DELE1: variants seen among roughly 807,000 people sequenced by gnomAD.
DELE1 encodes death ligand signal enhancer.
In DELE1, 54 loss-of-function variants were observed where a neutral mutation model predicts 59.3. That is an observed-to-expected ratio of 0.91 (90% confidence interval 0.73 to 1.14). The LOEUF (loss-of-function observed/expected upper bound fraction) is 1.14, where lower values mean the gene tolerates loss of function less well. Among genes scored for constraint, DELE1 ranks in the 50% most tolerant of loss-of-function variants. The pLI is 0.00. For missense variants in DELE1, 636 were observed against 643.9 expected (o/e 0.99, Z 0.13); for synonymous variants, 264 against 259.1 (o/e 1.02, Z -0.18).
At position 141,937,304 on chromosome 5, in the gene DELE1, G is replaced by T; in HGVS notation, c.1256G>T (p.Gly419Val). 6.2e-7 allele frequency: 1 copy of T among 1,614,194 alleles called. No individual in the cohort carries two copies. Among genetic ancestry groups the T allele is most frequent in the Non-Finnish European group, 8.5e-7 (1 of 1,180,050 alleles). Residue 419 changes from glycine (G) to valine (V), a missense_variant, in exon 11 of 12, where the codon GGA (glycine) becomes GTA (valine). Coordinates refer to ENST00000432126, the MANE Select transcript of DELE1 (RefSeq NM_014773.5). ...TGTTACCAGCAGTCAGCCGCTCTGG[G>T]AAATGAGGCCGCCCAGGAGAGGCTG... The part of the protein sequence containing the change: ...LRCYQQSAAL[G>V]NEAAQERLRA...
At chr5:141,935,527 A>G (rs941368474) in intron 10 of DELE1, among the ~76,000 whole-genome samples, 3 of 152,218 alleles carry the variant, frequency 2.0e-5, no homozygotes, top group African/African-American at 7.2e-5. Context: ...TTTCTGGCCA[A>G]TACACTGATA....
Position 141,929,699 on chromosome 5 carries a change from A to T in DELE1, c.530A>T (p.Asn177Ile), listed in dbSNP as rs201111574. Reference sequence around the variant, plus strand: ...GCTCAGCCCCGGAACTTCTCACACAACTCTTTGAGAGGAGCTCGTCCTCAG... The same window carrying T: ...GCTCAGCCCCGGAACTTCTCACACATCTCTTTGAGAGGAGCTCGTCCTCAG... Reference protein sequence around the residue: ...ASAQPRNFSHNSLRGARPQDP... With the variant: ...ASAQPRNFSHISLRGARPQDP... The change falls in exon 5 of 12, where the codon AAC (asparagine) becomes ATC (isoleucine). Residue 177 changes from asparagine to isoleucine, a missense_variant. Coordinates refer to ENST00000432126, the MANE Select transcript of DELE1 (RefSeq NM_014773.5). The T allele has an allele frequency of 6.2e-7, 1 of 1,613,718 alleles. No individual in the cohort carries two copies. Among genetic ancestry groups the T allele is most frequent in the Non-Finnish European group, 8.5e-7 (1 of 1,179,906 alleles).
intron 10 of DELE1, among the ~76,000 whole-genome samples, chr5:141,936,024 A>T (rs1387545041): frequency 6.6e-6 from 1 of 151,214 alleles, no homozygotes; most frequent in Non-Finnish European, 1.5e-5. Flanking sequence ...TGTGTAGACA[A>T]CTCTTCCCAG....
In DELE1 at chr5:141,941,938, C is replaced by T. The variant is rs912370416; in HGVS notation, c.*3179C>T. 3 of 985,052 alleles carry T rather than the reference C, an allele frequency of 3.0e-6. No individual in the cohort carries two copies. The highest frequency in any genetic ancestry group is 3.6e-6 in the Non-Finnish European group (3 of 829,908). The allele number at this position is 985,052 out of a possible 1,614,324, so 61.0% of individuals were successfully genotyped here. ...AACTTGAATGAATAATTCTGTATTGCCCCCCACTCGCCGCCTATACACACG... is the reference window on the plus strand; with the variant it reads ...AACTTGAATGAATAATTCTGTATTGTCCCCCACTCGCCGCCTATACACACG... On this transcript the variant is annotated 3_prime_UTR_variant, in exon 12 of 12. Transcript: ENST00000432126.
At chr5:141,935,443 G>A (rs1304260597) in intron 10 of DELE1, among the ~76,000 whole-genome samples, 1 of 152,190 alleles carries the variant, frequency 6.6e-6, no homozygotes, top group Non-Finnish European at 1.5e-5. Context: ...GAAGGACCAG[G>A]AGTCTTGGAT....
Position 141,938,867 on chromosome 5 carries a change from G to A in DELE1, c.*108G>A. On this transcript the variant is annotated 3_prime_UTR_variant, in exon 12 of 12. Coordinates refer to ENST00000432126, the MANE Select transcript of DELE1 (RefSeq NM_014773.5). ...CCCTTTCCAGGTAGAAATTCCAGCG[G>A]GAGTTCAGGTTCCCAAGCAATTTCA... The A allele has an allele frequency of 1.3e-6, 2 of 1,494,690 alleles. No individual in the cohort carries two copies. The highest frequency in any genetic ancestry group is 1.8e-6 in the Non-Finnish European group (2 of 1,129,596). 92.6% of individuals were successfully genotyped at this position (1,494,690 alleles called of 1,614,324 possible).
At position 141,940,563 on chromosome 5, in the gene DELE1, T is replaced by C. The variant is rs1157817304; in HGVS notation, c.*1804T>C. 6 of 985,370 alleles carry C rather than the reference T, an allele frequency of 6.1e-6. No homozygotes were observed. Among genetic ancestry groups the C allele is most frequent in the Admixed American group, 6.2e-5 (1 of 16,256 alleles). 61.0% of individuals were successfully genotyped at this position (985,370 alleles called of 1,614,324 possible). A position where few individuals can be genotyped will look rare whatever the true frequency, so the allele number is the denominator to read the frequency against. On this transcript the variant is annotated 3_prime_UTR_variant, in exon 12 of 12. Coordinates refer to ENST00000432126, the MANE Select transcript of DELE1 (RefSeq NM_014773.5). The stretch of plus-strand genomic sequence containing the variant: ...TGCTTCCCACCCCATCTCTCTCAAC[T>C]TCTTAGTGGTCCTGCCATACTTTCC...
chr5:141,931,604 G>A (rs1281692527), intron 7 of DELE1, among the ~76,000 whole-genome samples: 1 of 152,184 alleles, frequency 6.6e-6, no homozygotes, highest in Non-Finnish European at 1.5e-5. Flanking sequence ...CTAGATGAGA[G>A]AAAGAAGAGA....
Position 141,925,536 on chromosome 5 carries a change from TC to T in DELE1, c.264+13del. On this transcript the variant is annotated intron_variant, in intron 3 of 11. Coordinates refer to ENST00000432126, the MANE Select transcript of DELE1 (RefSeq NM_014773.5). ...GGGATGCCATATCTTGGGTAAGGCT[TC>T]CCCAGCCTGGTCCTTGACCTTCAGT... The T allele has an allele frequency of 6.4e-7, 1 of 1,555,322 alleles. No individual in the cohort carries two copies. Among genetic ancestry groups the T allele is most frequent in the Non-Finnish European group, 8.8e-7 (1 of 1,142,654 alleles).
chr5:141,935,655 C>T (rs1752290013), intron 10 of DELE1, among the ~76,000 whole-genome samples: 1 of 152,200 alleles, frequency 6.6e-6, no homozygotes, highest in Non-Finnish European at 1.5e-5. Context: ...CACTGCTGTA[C>T]CTGCCTTGCC....
chr5:141,939,479 G>A lies in DELE1; in HGVS notation c.*720G>A, dbSNP rs1405375967. Reference sequence around the variant, plus strand: ...GTTCATCCCCCGTGGGCTCATAATCGTTTTCATTTCACCTTTGATTTGGAA... The same window carrying A: ...GTTCATCCCCCGTGGGCTCATAATCATTTTCATTTCACCTTTGATTTGGAA... On this transcript the variant is annotated 3_prime_UTR_variant, in exon 12 of 12. Transcript: ENST00000432126. The A allele has an allele frequency of 1.4e-5, 14 of 985,644 alleles. No homozygotes were observed. The highest frequency in any genetic ancestry group is 7.0e-5 in the African/African-American group (4 of 57,208). 61.1% of individuals were successfully genotyped at this position (985,644 alleles called of 1,614,324 possible).
At chr5:141,927,253 C>T (rs958848144) in intron 3 of DELE1, among the ~76,000 whole-genome samples, 1 of 152,038 alleles carries the variant, frequency 6.6e-6, no homozygotes, top group African/African-American at 2.4e-5. Context: ...TAGGCTGGAG[C>T]GCAGTGGTGC....
In DELE1 at chr5:141,939,638, C is replaced by T. The variant is rs1247170789; in HGVS notation, c.*879C>T. 2 of 985,766 alleles carry T rather than the reference C, an allele frequency of 2.0e-6. No individual in the cohort carries two copies. Among genetic ancestry groups the T allele is most frequent in the African/African-American group, 1.7e-5 (1 of 57,214 alleles). 61.1% of individuals were successfully genotyped at this position (985,766 alleles called of 1,614,324 possible). A position where few individuals can be genotyped will look rare whatever the true frequency, so the allele number is the denominator to read the frequency against. ...TGAGTCCCAAAGAAGAGGCCAGATA[C>T]CCACCCACCTTCCCCCAAATCTTAA... is the stretch of plus-strand genomic sequence containing the variant. On this transcript the variant is annotated 3_prime_UTR_variant, in exon 12 of 12. Coordinates refer to ENST00000432126, the MANE Select transcript of DELE1 (RefSeq NM_014773.5).
rs1328432415 is a variant in DELE1 at position 141,929,972 on chromosome 5, CG to C, written c.572-15del. 4.3e-6 allele frequency: 7 copies of C among 1,612,072 alleles called. No homozygotes were observed. The highest frequency in any genetic ancestry group is 5.1e-6 in the Non-Finnish European group (6 of 1,178,482). ...TTTCTCCTTTGCCCTGGCCGGGTGT[CG>C]GCCTTTCCCTTGCAGGTCCCGGTGA... On this transcript the variant is annotated splice_polypyrimidine_tract_variant and intron_variant, in intron 5 of 11. Coordinates refer to ENST00000432126, the MANE Select transcript of DELE1 (RefSeq NM_014773.5).
At chr5:141,927,704 G>A (rs1464404251) in intron 3 of DELE1, among the ~76,000 whole-genome samples, 1 of 152,224 alleles carries the variant, frequency 6.6e-6, no homozygotes, top group African/African-American at 2.4e-5. Flanking sequence ...AGACTGGAAA[G>A]AGAGCCTAAT....
chr5:141,928,277 C>T lies in DELE1; in HGVS notation c.391C>T (p.Pro131Ser), dbSNP rs769313589. 5 of 1,614,036 alleles carry T rather than the reference C, an allele frequency of 3.1e-6. No homozygotes were observed. The highest frequency in any genetic ancestry group is 4.5e-5 in the East Asian group (2 of 44,890). The change falls in exon 4 of 12, where the codon CCC (proline) becomes TCC (serine). Residue 131 changes from proline to serine, a missense_variant. Pro to Ser is a moderately conservative substitution (Grantham distance 74). Coordinates refer to ENST00000432126, the MANE Select transcript of DELE1 (RefSeq NM_014773.5). ...TCCCCTGGACCGTTTCTTCTCATCT[C>T]CCTTGTGGCACCCATGCTCCTGTGA... ...HSPLDRFFSS[P>S]LWHPCSSLRQ... is the part of the protein sequence containing the mutation.
Position 141,933,240 on chromosome 5 carries a change from G to A in DELE1, c.755-19G>A. ...AGTTCACTGAGGAAGCTGTGTTTGTGCCCTGTGCCTTCTTACAGGAACAGA... is the reference window on the plus strand; with the variant it reads ...AGTTCACTGAGGAAGCTGTGTTTGTACCCTGTGCCTTCTTACAGGAACAGA... On this transcript the variant is annotated intron_variant, in intron 7 of 11. Transcript: ENST00000432126. 3.3e-6 allele frequency: 5 copies of A among 1,521,206 alleles called. No homozygotes were observed. Among genetic ancestry groups the A allele is most frequent in the Non-Finnish European group, 4.5e-6 (5 of 1,114,304 alleles). The allele number at this position is 1,521,206 out of a possible 1,614,324, so 94.2% of individuals were successfully genotyped here. A position where few individuals can be genotyped will look rare whatever the true frequency, so the allele number is the denominator to read the frequency against.
Position 141,939,023 on chromosome 5 carries a change from T to C in DELE1, c.*264T>C, listed in dbSNP as rs935718765. 3.0e-5 allele frequency: 39 copies of C among 1,288,398 alleles called. No individual in the cohort carries two copies. The highest frequency in any genetic ancestry group is 3.7e-5 in the Non-Finnish European group (38 of 1,015,324). The allele number at this position is 1,288,398 out of a possible 1,614,324, so 79.8% of individuals were successfully genotyped here. A position where few individuals can be genotyped will look rare whatever the true frequency, so the allele number is the denominator to read the frequency against. ...TTCAGTGACCTATGAAAAACCCTACTGAAGGGTCCAGAGACCCTGGTGCTC... is the reference window on the plus strand; with the variant it reads ...TTCAGTGACCTATGAAAAACCCTACCGAAGGGTCCAGAGACCCTGGTGCTC... On this transcript the variant is annotated 3_prime_UTR_variant, in exon 12 of 12. Coordinates refer to ENST00000432126, the MANE Select transcript of DELE1 (RefSeq NM_014773.5).
At chr5:141,936,874 C>A (rs755948563) in intron 10 of DELE1, 1 of 985,304 alleles carries the variant, frequency 1.0e-6, no homozygotes, top group Non-Finnish European at 1.2e-6. Context: ...GAGCCCGACT[C>A]CCAGGTTTGC....
Sources: allele counts gnomAD v4.1 joint callset (sites outside exome capture counted in the v4.1 genomes callset), GRCh38; gene constraint gnomAD v4.1.1; transcripts MANE v1.5; gene names NCBI Gene and HGNC (gene_info 2026-07-23, HGNC 2026-07-21).